Variants in PLA2G6 observed in about 807,000 individuals in gnomAD.
PLA2G6 encodes phospholipase A2 group VI, also known as 85/88 kDa calcium-independent phospholipase A2.
A neutral mutation model predicts 83.8 loss-of-function variants in PLA2G6; 62 were observed. The observed-to-expected ratio is 0.74, with a 90% CI of 0.60 to 0.91. The LOEUF (loss-of-function observed/expected upper bound fraction) is 0.91. Among genes scored for constraint, PLA2G6 ranks in the 40% least tolerant of loss-of-function variants. The pLI is 0.00. For missense variants in PLA2G6, 944 were observed against 1,102.0 expected (o/e 0.86, Z 2.03); for synonymous variants, 417 against 449.8 (o/e 0.93, Z 0.92).
At chr22:38,170,605 T>C (rs983033348) in intron 1 of PLA2G6, among the ~76,000 whole-genome samples, 1 of 152,050 alleles carries the variant, frequency 6.6e-6, no homozygotes, top group African/African-American at 2.4e-5. Flanking sequence ...TCCCAGAAAA[T>C]ACACTGCCTT....
chr22:38,148,214 A>G (rs2284062), intron 2 of PLA2G6: 127,481 of 371,966 alleles, frequency 0.34, 22,739 homozygotes, highest in South Asian at 0.41. Context: ...TTAAGGACAC[A>G]ATGTGAGAAT....
At chr22:38,141,948 A>G (rs2088932827) in intron 4 of PLA2G6, 1 of 152,032 alleles carries the variant, frequency 6.6e-6, no homozygotes, top group Non-Finnish European at 1.5e-5. Flanking sequence ...TAATCCCGGC[A>G]TTTTGGGAGG....
chr22:38,126,353 C>G lies in PLA2G6; in HGVS notation c.1427+18G>C. ...GCGCACACGTTCCCCGCTCTGCCCC[C>G]GATCTCGATCCACTTACGTCCGCTT... On this transcript the variant is annotated intron_variant, in intron 10 of 16. Transcript: ENST00000332509. 1.2e-6 allele frequency: 2 copies of G among 1,601,758 alleles called. No homozygotes were observed. Among genetic ancestry groups the G allele is most frequent in the Non-Finnish European group, 1.7e-6 (2 of 1,169,104 alleles).
In PLA2G6 at chr22:38,140,030, C is replaced by T; in HGVS notation, c.749G>A (p.Gly250Asp). ...CGAGTGGATGGGGTAGCCGTTGGGG[C>T]CCATGATGTTGCACCGAGCATTGCA... ...LLCNARCNIM[G>D]PNGYPIHSAM... The change falls in exon 5 of 17, where the codon GGC (glycine) becomes GAC (aspartate). Residue 250 changes from glycine to aspartate, a missense_variant. Gly to Asp is a moderately conservative substitution (Grantham distance 94, BLOSUM62 -1). Coordinates refer to ENST00000332509, the MANE Select transcript of PLA2G6 (RefSeq NM_003560.4). 6.2e-7 allele frequency: 1 copy of T among 1,612,086 alleles called. No individual in the cohort carries two copies. Among genetic ancestry groups the T allele is most frequent in the South Asian group, 1.1e-5 (1 of 90,616 alleles).
chr22:38,132,842 G>A lies in PLA2G6; in HGVS notation c.1066C>T (p.Leu356=). 1.9e-6 allele frequency: 3 copies of A among 1,547,794 alleles called. No individual in the cohort carries two copies. The highest frequency in any genetic ancestry group is 1.7e-6 in the Non-Finnish European group (2 of 1,147,840). The change falls in exon 7 of 17, where the codon CTG becomes TTG. Residue 356 remains leucine (L), a synonymous_variant. Transcript: ENST00000332509. The surrounding 1 kb of genome is among the most constrained non-coding windows in gnomAD (Gnocchi z 5.0). The part of the protein sequence containing the change: ...RGEHGNTPLH[L]AMSKDNVEMI... ...GGTCCTGGGCTCACCGACATGGCCA[G>A]GTGCAGCGGGGTGTTGCCGTGCTCT...
rs575417206 is a variant in PLA2G6, at chr22:38,135,050, G to A, written c.832C>T (p.Gln278Ter). 2 of 1,604,308 alleles carry A rather than the reference G, an allele frequency of 1.2e-6. No individual in the cohort carries two copies. Among genetic ancestry groups the A allele is most frequent in the East Asian group, 2.3e-5 (1 of 44,200 alleles). ...AEMIISMDSS[Q>*]IHSKDPRYGA... ...TAACGGGGGTCTTTGCTGTGGATCT[G>A]GCTGCTGTCCATGCTGATGATCATC... Residue 278 changes from glutamine to a stop codon, truncating the protein, a stop_gained, in exon 6 of 17, where the codon CAG becomes TAG. Transcript: ENST00000332509. LOFTEE classifies it high-confidence loss of function.
chr22:38,129,535 G>A lies in PLA2G6; in HGVS notation c.1105C>T (p.Leu369Phe). The change falls in exon 8 of 17, where the codon CTC becomes TTC. Residue 369 changes from leucine to phenylalanine, a missense_variant. Coordinates refer to ENST00000332509, the MANE Select transcript of PLA2G6 (RefSeq NM_003560.4). ...SKDNVEMIKA[L>F]IVFGAEVDTP... is the part of the protein sequence containing the mutation. ...TCCACTTCTGCTCCGAACACGATGA[G>A]GGCCTTGATCATCTCCACGTTGTCT... 1 of 1,613,844 alleles carries A rather than the reference G, an allele frequency of 6.2e-7. No homozygotes were observed. The highest frequency in any genetic ancestry group is 8.5e-7 in the Non-Finnish European group (1 of 1,179,726).
At chr22:38,129,678 G>A (rs982579080) in intron 7 of PLA2G6, 116 bp from the exon 8 acceptor site, 35 of 755,496 alleles carry the variant, frequency 4.6e-5, no homozygotes, top group African/African-American at 6.9e-5. Context: ...TCCTCAGCAC[G>A]GGGAGACACT....
Position 38,111,997 on chromosome 22 carries a change from C to A in PLA2G6, c.*164G>T. 1 of 786,022 alleles carries A rather than the reference C, an allele frequency of 1.3e-6. No individual in the cohort carries two copies. Among genetic ancestry groups the A allele is most frequent in the Non-Finnish European group, 2.1e-6 (1 of 475,420 alleles). The allele number at this position is 786,022 out of a possible 1,614,324, so 48.7% of individuals were successfully genotyped here. On this transcript the variant is annotated 3_prime_UTR_variant, in exon 17 of 17. Coordinates refer to ENST00000332509, the MANE Select transcript of PLA2G6 (RefSeq NM_003560.4). ...AAGGCGGGGTTAGTGGGAGACAGGCCTTCAGGACCAGCCTCGGGCAGGCAG... is the reference window on the plus strand; with the variant it reads ...AAGGCGGGGTTAGTGGGAGACAGGCATTCAGGACCAGCCTCGGGCAGGCAG...
chr22:38,159,262 C>G (rs941246974), intron 2 of PLA2G6, among the ~76,000 whole-genome samples: 12 of 152,118 alleles, frequency 7.9e-5, no homozygotes, highest in African/African-American at 2.9e-4. Flanking sequence ...AATTTGACAA[C>G]TTCGATAAAA....
Position 38,127,423 on chromosome 22 carries a change from C to A in PLA2G6, c.1348+846G>T, listed in dbSNP as rs773550543. The A allele has an allele frequency of 3.8e-6, 5 of 1,328,414 alleles. No individual in the cohort carries two copies. The South Asian group carries it at 6.0e-5, about 16-fold the overall frequency. The allele number at this position is 1,328,414 out of a possible 1,614,324, so 82.3% of individuals were successfully genotyped here. ...GGGCGTTACCCATCTGACGCCGCAC[C>A]CCAGGCCCACCATCCGGCCTGGCTT... On this transcript the variant is annotated intron_variant, in intron 9 of 16. Coordinates refer to ENST00000332509, the MANE Select transcript of PLA2G6 (RefSeq NM_003560.4).
intron 1 of PLA2G6, chr22:38,180,455 G>A (rs936468266): frequency 1.3e-5 from 2 of 152,164 alleles, no homozygotes; most frequent in Non-Finnish European, 2.9e-5. Flanking sequence ...CACACCAAGG[G>A]TAGCCTAGAA....
chr22:38,181,090 C>T lies in PLA2G6; in HGVS notation c.-46+574G>A, dbSNP rs530132808. The stretch of plus-strand genomic sequence containing the variant: ...CTGTCCCACACCCACAGGCTTGCCC[C>T]GACCCAGTCCCATGATCACCCTGGT... On this transcript the variant is annotated intron_variant, in intron 1 of 16. Coordinates refer to ENST00000332509, the MANE Select transcript of PLA2G6 (RefSeq NM_003560.4). Among the ~76,000 whole-genome samples, 6 of 152,222 alleles carry T rather than the reference C, an allele frequency of 3.9e-5. No homozygotes were observed. In the South Asian group the frequency reaches 1.2e-3, roughly 32 times the overall value.
Position 38,133,133 on chromosome 22 carries a change from G to A in PLA2G6, c.895-120C>T, listed in dbSNP as rs11570678. ...TACAGGTACTGGGATGTTGGAAAGC[G>A]CTAGCAAGAGGATTCCAGGGGCAGG... On this transcript the variant is annotated intron_variant, in intron 6 of 16. Transcript: ENST00000332509. 0.02 allele frequency: 19,273 copies of A among 960,262 alleles called. 2,205 individuals carry two copies. In the African/African-American group the frequency reaches 0.26, roughly 13 times the overall value. 59.5% of individuals were successfully genotyped at this position (960,262 alleles called of 1,614,324 possible).
At chr22:38,150,988 G>A (rs1425810189) in intron 2 of PLA2G6, among the ~76,000 whole-genome samples, 2 of 152,196 alleles carry the variant, frequency 1.3e-5, no homozygotes, top group East Asian at 1.9e-4. Context: ...TCAGGAGGTT[G>A]AGGGAGGAGA....
At chr22:38,130,984 A>G (rs1399883401) in intron 7 of PLA2G6, 1 of 152,240 alleles carries the variant, frequency 6.6e-6, no homozygotes, top group Non-Finnish European at 1.5e-5. Context: ...CTGGGCAACA[A>G]AAGCGAAACT....
At chr22:38,124,505 C>G (rs1212141763) in intron 10 of PLA2G6, among the ~76,000 whole-genome samples, 1 of 152,170 alleles carries the variant, frequency 6.6e-6, no homozygotes, top group African/African-American at 2.4e-5. Flanking sequence ...CAGTCTGGAA[C>G]CTTCCTCTGA....
intron 2 of PLA2G6, among the ~76,000 whole-genome samples, chr22:38,153,840 T>G (rs999576454): frequency 3.3e-5 from 5 of 152,198 alleles, no homozygotes; most frequent in Admixed American, 3.3e-4. Context: ...GTGGCAGTTC[T>G]GGACCTGCCC....
At chr22:38,161,685 G>T (rs1203231980) in intron 2 of PLA2G6, among the ~76,000 whole-genome samples, 2 of 152,134 alleles carry the variant, frequency 1.3e-5, no homozygotes, top group African/African-American at 4.8e-5. Context: ...AGTAGGCGGG[G>T]ACAGAGGTGT....
Sources: gnomAD v4.1 joint callset for allele counts (sites outside exome capture counted in the v4.1 genomes callset) on GRCh38, gnomAD v4.1.1 for gene constraint, Gnocchi (gnomAD v3.1) non-coding constraint, MANE v1.5 for transcripts, NCBI Gene and HGNC (gene_info 2026-07-23, HGNC 2026-07-21) for gene names.